PRKG1: variants seen among roughly 807,000 people sequenced by gnomAD.
PRKG1 encodes protein kinase cGMP-dependent 1.
PRKG1 carries 35 observed loss-of-function variants against 88.1 expected under a neutral mutation model. That is an observed-to-expected ratio of 0.40 (90% CI 0.30 to 0.53). PRKG1 has a LOEUF of 0.53. PRKG1 is among the 20% of genes least tolerant of loss of function. PRKG1 has a pLI of 0.59. For missense variants in PRKG1, 540 were observed against 839.8 expected (o/e 0.64, Z 4.41); for synonymous variants, 303 against 292.5 (o/e 1.04, Z -0.37).
At chr10:51,882,005 A>C (rs1165015469) in intron 4 of PRKG1, among the ~76,000 whole-genome samples, 8 of 152,170 alleles carry the variant, frequency 5.3e-5, no homozygotes, top group African/African-American at 1.9e-4. Context: ...TCATCTTTTC[A>C]ATGATGAAAT....
At chr10:51,862,626 A>G (rs1433478401) in intron 4 of PRKG1, among the ~76,000 whole-genome samples, 1 of 152,048 alleles carries the variant, frequency 6.6e-6, no homozygotes, top group Non-Finnish European at 1.5e-5. Flanking sequence ...AAAAAGCACC[A>G]TTCAATTGGC....
At chr10:51,544,302 G>A (rs113642478) in intron 3 of PRKG1, among the ~76,000 whole-genome samples, 3,003 of 149,804 alleles carry the variant, frequency 0.02, 103 homozygotes, top group African/African-American at 0.07. Flanking sequence ...GAGAACATGC[G>A]GTGTTTGGTT....
At chr10:51,996,051 G>A (rs192798598) in intron 5 of PRKG1, among the ~76,000 whole-genome samples, 6 of 151,832 alleles carry the variant, frequency 4.0e-5, no homozygotes, top group Admixed American at 6.6e-5. Flanking sequence ...GGTGGCTTAC[G>A]CCTGTAATCT....
chr10:52,260,726 A>AT (rs74544107), intron 10 of PRKG1, among the ~76,000 whole-genome samples: 4 of 26,624 alleles, frequency 1.5e-4, no homozygotes, highest in Admixed American at 5.0e-4. Context: ...TGGTGAAAAA[A>AT]ATAAAGTGTA....
chr10:52,003,111 G>C (rs1320744456), intron 5 of PRKG1, among the ~76,000 whole-genome samples: 1 of 152,072 alleles, frequency 6.6e-6, no homozygotes, highest in African/African-American at 2.4e-5. Context: ...GTTCCATCCC[G>C]GTATCATTCT....
At position 52,242,895 on chromosome 10, in the gene PRKG1, C is replaced by CA. The variant is rs750806476; in HGVS notation, c.1077-8666dup. The stretch of plus-strand genomic sequence containing the variant: ...TGAGTGACAGACGGAGACTCAGTCT[C>CA]AAAAAAAAAGAAGGAGAAGGAGAAA... On this transcript the variant is annotated intron_variant, in intron 9 of 17. Transcript: ENST00000373980. Among the ~76,000 whole-genome samples, 575 of 121,966 alleles carry CA rather than the reference C, an allele frequency of 4.7e-3. 3 individuals carry two copies. The highest frequency in any genetic ancestry group is 0.015 in the African/African-American group (544 of 35,214). The allele number at this position is 121,966 out of a possible 152,430, so 80.0% of individuals were successfully genotyped here. A position where few individuals can be genotyped will look rare whatever the true frequency, so the allele number is the denominator to read the frequency against.
chr10:51,955,242 T>C (rs1266249451), intron 5 of PRKG1, among the ~76,000 whole-genome samples: 1 of 152,096 alleles, frequency 6.6e-6, no homozygotes, highest in Non-Finnish European at 1.5e-5. Flanking sequence ...GGCAACACTT[T>C]CCACGGGAGG....
In PRKG1 at chr10:51,018,889, T is replaced by C. The variant is rs1316183098; in HGVS notation, c.266+27245T>C. On this transcript the variant is annotated intron_variant, in intron 1 of 17. Coordinates refer to the PRKG1 transcript ENST00000401604. ...CATCAGAAACTCTGATTGGTAATTATGCATTTATTTGATTACTTAAATAGG... is the reference window on the plus strand; with the variant it reads ...CATCAGAAACTCTGATTGGTAATTACGCATTTATTTGATTACTTAAATAGG... Among the ~76,000 whole-genome samples the C allele has an allele frequency of 3.3e-5, 5 of 152,352 alleles. No individual in the cohort carries two copies. The East Asian group carries it at 9.6e-4, about 29-fold the overall frequency.
intron 3 of PRKG1, among the ~76,000 whole-genome samples, chr10:51,514,236 A>G (rs1286846018): frequency 1.3e-5 from 2 of 151,980 alleles, no homozygotes; most frequent in East Asian, 1.9e-4. Flanking sequence ...CAAATAAACT[A>G]GAAAATCTAG....
chr10:51,196,624 C>G (rs575418627), intron 2 of PRKG1, among the ~76,000 whole-genome samples: 5 of 152,136 alleles, frequency 3.3e-5, no homozygotes, highest in East Asian at 3.9e-4. Context: ...CAGAAGTGAG[C>G]ATGAGAAATA....
intron 3 of PRKG1, among the ~76,000 whole-genome samples, chr10:51,479,706 A>G (rs1483857952): frequency 6.6e-6 from 1 of 152,062 alleles, no homozygotes; most frequent in African/African-American, 2.4e-5. Flanking sequence ...TTTCATGAAT[A>G]CTTTGAATTG....
chr10:51,436,258 A>G (rs572741305), intron 2 of PRKG1, among the ~76,000 whole-genome samples: 11 of 151,192 alleles, frequency 7.3e-5, no homozygotes, highest in Non-Finnish European at 1.6e-4. Context: ...CAGTGGTACT[A>G]TCTACCTGTG....
intron 3 of PRKG1, among the ~76,000 whole-genome samples, chr10:51,526,158 T>C (rs2132085063): frequency 6.6e-6 from 1 of 152,244 alleles, no homozygotes; most frequent in East Asian, 1.9e-4. Context: ...TGATTAGCTT[T>C]AATTGAGGGG....
At chr10:51,218,350 A>G (rs1176294833) in intron 2 of PRKG1, among the ~76,000 whole-genome samples, 2 of 151,714 alleles carry the variant, frequency 1.3e-5, no homozygotes, top group Non-Finnish European at 2.9e-5. Flanking sequence ...TCTGTGGTTC[A>G]TACACTATCC....
intron 5 of PRKG1, among the ~76,000 whole-genome samples, chr10:51,914,603 T>C (rs1348796489): frequency 6.6e-6 from 1 of 152,230 alleles, no homozygotes; most frequent in Non-Finnish European, 1.5e-5. Flanking sequence ...TTTGCTTGTA[T>C]TAAAGTCAAT....
chr10:52,137,016 C>T (rs1019597304), intron 8 of PRKG1, among the ~76,000 whole-genome samples: 4 of 152,072 alleles, frequency 2.6e-5, no homozygotes, highest in Admixed American at 2.6e-4. Context: ...ACTGAAGGAT[C>T]CTGTCAAAAG....
chr10:51,085,012 T>C lies in PRKG1; in HGVS notation c.311+10111T>C, dbSNP rs376221812. ...ATGGTCCAGTTTTATCAGTAAATTA[T>C]GGTTTTGACAATGCTTCTAAGTTTG... On this transcript the variant is annotated intron_variant, in intron 1 of 17. Coordinates refer to ENST00000373980, the MANE Select transcript of PRKG1 (RefSeq NM_006258.4). Among the ~76,000 whole-genome samples, 11 of 152,364 alleles carry C rather than the reference T, an allele frequency of 7.2e-5. No homozygotes were observed. In the East Asian group the frequency reaches 1.9e-3, roughly 27 times the overall value.
intron 1 of PRKG1, among the ~76,000 whole-genome samples, chr10:51,081,011 C>A (rs1844095484): frequency 6.6e-6 from 1 of 152,110 alleles, no homozygotes; most frequent in African/African-American, 2.4e-5. Flanking sequence ...ATGTTTAACA[C>A]AATGTGGAAC....
intron 2 of PRKG1, among the ~76,000 whole-genome samples, chr10:51,341,162 C>T (rs1359637342): frequency 6.6e-6 from 1 of 152,134 alleles, no homozygotes; most frequent in East Asian, 1.9e-4. Context: ...AGGGATTTAA[C>T]AAGAGGTGCC....
Sources: allele counts gnomAD v4.1 joint callset (sites outside exome capture counted in the v4.1 genomes callset), GRCh38; gene constraint gnomAD v4.1.1; transcripts MANE v1.5; gene names NCBI Gene and HGNC (gene_info 2026-07-23, HGNC 2026-07-21).